Variants in MYH9 observed in about 807,000 individuals in gnomAD.
MYH9 encodes myosin-9.
Under a neutral mutation model 241.9 loss-of-function variants are expected in MYH9, and 29 were observed. That is an observed-to-expected ratio of 0.12 (90% confidence interval 0.09 to 0.16). MYH9 has a LOEUF of 0.16. Among genes scored for constraint, MYH9 ranks in the 10% least tolerant of loss-of-function variants. The pLI, the probability that MYH9 is intolerant of heterozygous loss-of-function variation, is 1.00. For synonymous variants in MYH9, 1,047 were observed against 1,062.6 expected (o/e 0.99, Z 0.29); for missense variants, 1,803 against 2,595.5 (o/e 0.69, Z 6.63).
intron 14 of MYH9, among the ~76,000 whole-genome samples, chr22:36,310,185 G>A (rs904297184): frequency 1.3e-5 from 2 of 151,422 alleles, no homozygotes; most frequent in Non-Finnish European, 2.9e-5. Context: ...CAGGAGGATC[G>A]CTTGAACCTG....
rs978738923 is a variant in MYH9, at chr22:36,292,629, C to T, written c.4096-395G>A. On this transcript the variant is annotated intron_variant, in intron 30 of 40. Coordinates refer to ENST00000216181, the MANE Select transcript of MYH9 (RefSeq NM_002473.6). The stretch of plus-strand genomic sequence containing the variant: ...AGATAAACCCACAATCAGGCACGCT[C>T]GCGGGCTACTCCTACCCTGACTGTG... Among the ~76,000 whole-genome samples, 51 of 152,196 alleles carry T rather than the reference C, an allele frequency of 3.4e-4. 1 individual carries two copies. The highest frequency in any genetic ancestry group is 3.2e-3 in the Middle Eastern group (1 of 316).
chr22:36,321,094 A>G (rs2017243676), intron 7 of MYH9, among the ~76,000 whole-genome samples, 198 bp from the exon 8 acceptor site: 1 of 151,924 alleles, frequency 6.6e-6, no homozygotes, highest in Non-Finnish European at 1.5e-5. Flanking sequence ...CTGGGATTAC[A>G]GGCGCCCACC....
At chr22:36,289,380 G>A (rs1383874307) in intron 31 of MYH9, 83 bp from the exon 32 acceptor site, 9 of 1,371,462 alleles carry the variant, frequency 6.6e-6, no homozygotes, top group African/African-American at 2.9e-5. Flanking sequence ...CCCTGGGGAA[G>A]GAGGAGCCCA....
intron 5 of MYH9, among the ~76,000 whole-genome samples, chr22:36,324,344 G>A (rs1403020889): frequency 6.6e-6 from 1 of 152,236 alleles, no homozygotes; most frequent in Non-Finnish European, 1.5e-5. Context: ...GAAATGATGC[G>A]GTACTGTATG....
Position 36,352,095 on chromosome 22 carries a change from C to T in MYH9, c.-19-2840G>A, listed in dbSNP as rs919452100. Among the ~76,000 whole-genome samples the T allele has an allele frequency of 3.9e-5, 6 of 152,222 alleles. No homozygotes were observed. In the East Asian group the frequency reaches 9.6e-4, roughly 24 times the overall value. ...GGGACGCTAACCCAGGGACGCCTGG[C>T]TCCTGTGCCTGGCCTCCTCCCAGAA... On this transcript the variant is annotated intron_variant, in intron 1 of 40. Transcript: ENST00000216181.
rs140032888 is a variant in MYH9, at chr22:36,305,041, C to T, written c.2221G>A (p.Val741Met). 114 of 1,613,896 alleles carry T rather than the reference C, an allele frequency of 7.1e-5. 1 individual carries two copies. Among genetic ancestry groups the T allele is most frequent in the Non-Finnish European group, 9.2e-5 (109 of 1,179,874 alleles). Residue 741 changes from valine to methionine, a missense_variant, in exon 18 of 41, where the codon GTG (valine) becomes ATG (methionine). By Grantham distance (21) the Val-to-Met change is conservative. Around this residue, in one of 11 missense-constraint regions of MYH9, gnomAD observed 163 missense variants for 349.7 expected, o/e 0.47. Coordinates refer to ENST00000216181, the MANE Select transcript of MYH9 (RefSeq NM_002473.6). The surrounding 1 kb of genome is among the most constrained non-coding windows in gnomAD (Gnocchi z 4.7). ...ACAGCAGCTCAACTCACCATGAGCA[C>T]GCACGCCTGCTTCCCGTCCATGAAA... ...KGFMDGKQAC[V>M]LMIKALELDS...
rs991145745 is a variant in MYH9 at position 36,320,374 on chromosome 22, T to C, written c.869-11A>G. 4.3e-6 allele frequency: 7 copies of C among 1,612,618 alleles called. No homozygotes were observed. Among genetic ancestry groups the C allele is most frequent in the Non-Finnish European group, 5.9e-6 (7 of 1,179,960 alleles). ...CCAACAGGAGATCGGCTGTAAGGGG[T>C]GGAGGGCAAGGGCGCCTCAGCGAGG... On this transcript the variant is annotated splice_polypyrimidine_tract_variant and intron_variant, in intron 8 of 40. Coordinates refer to ENST00000216181, the MANE Select transcript of MYH9 (RefSeq NM_002473.6). This position sits in a 1 kb window ranked among gnomAD's most constrained non-coding sequence, Gnocchi z 4.8.
At chr22:36,353,372 T>C (rs1213476633) in intron 1 of MYH9, among the ~76,000 whole-genome samples, 1 of 152,292 alleles carries the variant, frequency 6.6e-6, no homozygotes, top group Non-Finnish European at 1.5e-5. Flanking sequence ...TTGAAACTTT[T>C]TTTTTTGAGA....
chr22:36,332,910 G>C (rs527527929), intron 3 of MYH9, among the ~76,000 whole-genome samples: 2 of 152,288 alleles, frequency 1.3e-5, no homozygotes, highest in South Asian at 2.1e-4. Context: ...TGTCAGACTG[G>C]AGGGAAATTC....
intron 24 of MYH9, among the ~76,000 whole-genome samples, chr22:36,298,710 T>C (rs1206475295): frequency 6.6e-6 from 1 of 152,186 alleles, no homozygotes; most frequent in Non-Finnish European, 1.5e-5. Context: ...AACAGGGGCC[T>C]GGAGGCTCAG....
chr22:36,289,573 C>T (rs1467827544), intron 31 of MYH9, among the ~76,000 whole-genome samples: 2 of 152,254 alleles, frequency 1.3e-5, no homozygotes, highest in Non-Finnish European at 2.9e-5. Context: ...CCCTTTATGG[C>T]ACGCTGCCCC....
chr22:36,363,245 T>C (rs560353379), intron 1 of MYH9, among the ~76,000 whole-genome samples: 1 of 152,342 alleles, frequency 6.6e-6, no homozygotes, highest in East Asian at 1.9e-4. Context: ...TACAGAACCA[T>C]GGCTTCATTG....
At position 36,293,579 on chromosome 22, in the gene MYH9, G is replaced by T; in HGVS notation, c.3943-98C>A. ...AGGAGAGGGAGGAGCTGGTCCTGCT[G>T]ATTTAGGGGATGGCCACGTAAAGAC... On this transcript the variant is annotated intron_variant, in intron 29 of 40. Transcript: ENST00000216181. This position sits in a 1 kb window ranked among gnomAD's most constrained non-coding sequence, Gnocchi z 5.1. The T allele has an allele frequency of 6.5e-7, 1 of 1,538,032 alleles. No homozygotes were observed.
intron 19 of MYH9, among the ~76,000 whole-genome samples, chr22:36,302,944 C>A (rs950780592): frequency 6.6e-5 from 10 of 152,172 alleles, no homozygotes; most frequent in Non-Finnish European, 1.5e-4. Flanking sequence ...GGGGTGAAGG[C>A]ACGTGTGAAG....
rs79935153 is a variant in MYH9 at position 36,311,971 on chromosome 22, G to A, written c.1728+78C>T. On this transcript the variant is annotated intron_variant, in intron 14 of 40. Coordinates refer to ENST00000216181, the MANE Select transcript of MYH9 (RefSeq NM_002473.6). Reference sequence around the variant, plus strand: ...ACCCCTGCGTCCCCAGCAGCTGCCCGGCTCCTGGTCCTAGAGAGCCTCGAC... The same window carrying A: ...ACCCCTGCGTCCCCAGCAGCTGCCCAGCTCCTGGTCCTAGAGAGCCTCGAC... 5,906 of 1,576,364 alleles carry A rather than the reference G, an allele frequency of 3.7e-3. 179 individuals carry two copies. In the African/African-American group the frequency reaches 0.066, roughly 18 times the overall value.
Position 36,320,102 on chromosome 22 carries a change from C to G in MYH9, c.1012+118G>C. The G allele has an allele frequency of 1.4e-6, 2 of 1,404,374 alleles. No individual in the cohort carries two copies. Among genetic ancestry groups the G allele is most frequent in the Non-Finnish European group, 2.0e-6 (2 of 1,002,280 alleles). The allele number at this position is 1,404,374 out of a possible 1,614,324, so 87.0% of individuals were successfully genotyped here. On this transcript the variant is annotated intron_variant, in intron 9 of 40. Coordinates refer to ENST00000216181, the MANE Select transcript of MYH9 (RefSeq NM_002473.6). This position sits in a 1 kb window ranked among gnomAD's most constrained non-coding sequence, Gnocchi z 4.8. ...CATTTTCCCATACACTGAAGGCCTT[C>G]CCCTTCCCCTGGCCTCTAGCAGGCT... is the stretch of plus-strand genomic sequence containing the variant.
chr22:36,318,307 T>C lies in MYH9; in HGVS notation c.1127A>G (p.His376Arg), dbSNP rs2017192478. 1 of 1,613,872 alleles carries C rather than the reference T, an allele frequency of 6.2e-7. No homozygotes were observed. Among genetic ancestry groups the C allele is most frequent in the South Asian group, 1.1e-5 (1 of 91,086 alleles). The change falls in exon 11 of 41, where the codon CAT (histidine) becomes CGT (arginine). Residue 376 changes from histidine to arginine, a missense_variant. This residue lies in a region of MYH9 where 222 missense variants were observed against 359.9 expected (regional missense o/e 0.62). Coordinates refer to ENST00000216181, the MANE Select transcript of MYH9 (RefSeq NM_002473.6). ...PDNTAAQKVSHLLGINVTDFT... is the reference protein window; with the variant it reads ...PDNTAAQKVSRLLGINVTDFT... Reference sequence around the variant, plus strand: ...ATCGGTCACATTGATACCCAAGAGATGGGACACCTTTTGGGCAGCTAAGAT... The same window carrying C: ...ATCGGTCACATTGATACCCAAGAGACGGGACACCTTTTGGGCAGCTAAGAT...
At position 36,284,506 on chromosome 22, in the gene MYH9, C is replaced by T. The variant is rs966415372; in HGVS notation, c.5489G>A (p.Arg1830His). 8 of 1,612,288 alleles carry T rather than the reference C, an allele frequency of 5.0e-6. No individual in the cohort carries two copies. The highest frequency in any genetic ancestry group is 2.2e-5 in the East Asian group (1 of 44,894). ...ACGCACCTGTTTGCAGGCTGCCTGGCGCTCCCTGCATGACAGACAAGGTGG... is the reference window on the plus strand; with the variant it reads ...ACGCACCTGTTTGCAGGCTGCCTGGTGCTCCCTGCATGACAGACAAGGTGG... ...EEQLDNETKE[R>H]QAACKQVRRT... is the part of the protein sequence containing the mutation. Residue 1830 changes from arginine to histidine, a missense_variant, in exon 39 of 41, where the codon CGC becomes CAC. By Grantham distance (29) the Arg-to-His change is conservative. Coordinates refer to ENST00000216181, the MANE Select transcript of MYH9 (RefSeq NM_002473.6).
At chr22:36,327,720 C>T (rs1039500151) in intron 3 of MYH9, among the ~76,000 whole-genome samples, 1 of 152,200 alleles carries the variant, frequency 6.6e-6, no homozygotes, top group African/African-American at 2.4e-5. Context: ...CCACGCTGTT[C>T]AGCCCCCACC....
Sources: gnomAD v4.1 joint callset for allele counts (sites outside exome capture counted in the v4.1 genomes callset) on GRCh38, gnomAD v4.1.1 for gene constraint, gnomAD v4.1.1 regional missense constraint, Gnocchi (gnomAD v3.1) non-coding constraint, MANE v1.5 for transcripts, NCBI Gene and HGNC (gene_info 2026-07-23, HGNC 2026-07-21) for gene names.